Variants in PHACTR1 observed in about 807,000 individuals in gnomAD.
PHACTR1 encodes the protein phosphatase and actin regulator 1, also known as RPEL repeat containing 1.
A neutral mutation model predicts 69.2 loss-of-function variants in PHACTR1; 16 were observed. The ratio of observed to expected loss-of-function variants is 0.23; its 90% CI spans 0.16 to 0.35. The LOEUF (loss-of-function observed/expected upper bound fraction) is 0.35. Among genes scored for constraint, PHACTR1 ranks in the 10% least tolerant of loss-of-function variants. PHACTR1 has a pLI of 1.00. For missense variants in PHACTR1, 510 were observed against 734.7 expected, an observed-to-expected ratio of 0.69 and a Z score of 3.54; for synonymous variants, 312 against 284.5, an observed-to-expected ratio of 1.10 and a Z score of -0.97.
At chr6:12,817,643 G>A (rs1429506267) in intron 4 of PHACTR1, among the ~76,000 whole-genome samples, 2 of 152,166 alleles carry the variant, frequency 1.3e-5, no homozygotes, top group Admixed American at 6.5e-5. Flanking sequence ...TACTGATACA[G>A]CCTCCTGAAG....
At chr6:13,194,425 AGG>A (rs1184123405) in intron 7 of PHACTR1, among the ~76,000 whole-genome samples, 11,368 of 147,518 alleles carry the variant, frequency 0.077, 1,275 homozygotes, top group East Asian at 0.57. Flanking sequence ...AAAGAAAGAA[AGG>A]AAAAAGAAAA....
At chr6:12,971,135 T>C (rs1473217449) in intron 4 of PHACTR1, among the ~76,000 whole-genome samples, 1 of 152,196 alleles carries the variant, frequency 6.6e-6, no homozygotes, top group East Asian at 1.9e-4. Context: ...TTTGAGTTAA[T>C]GTAACCCACT....
chr6:12,915,316 G>A (rs1485317535), intron 4 of PHACTR1, among the ~76,000 whole-genome samples: 1 of 152,074 alleles, frequency 6.6e-6, no homozygotes, highest in African/African-American at 2.4e-5. Flanking sequence ...AGATTAGCCT[G>A]GGCAACATGG....
chr6:13,184,230 G>A (rs1240154520), intron 7 of PHACTR1, among the ~76,000 whole-genome samples: 1 of 152,186 alleles, frequency 6.6e-6, no homozygotes, highest in Non-Finnish European at 1.5e-5. Flanking sequence ...TGAGGTGTCA[G>A]CGTTCCAGGC....
At chr6:13,077,632 G>T (rs528504344) in intron 5 of PHACTR1, among the ~76,000 whole-genome samples, 1 of 152,162 alleles carries the variant, frequency 6.6e-6, no homozygotes, top group African/African-American at 2.4e-5. Context: ...AGGCTTTTGA[G>T]CAAGGAGGTG....
chr6:12,863,134 T>G (rs1357406743), intron 4 of PHACTR1, among the ~76,000 whole-genome samples: 2 of 152,224 alleles, frequency 1.3e-5, no homozygotes, highest in African/African-American at 4.8e-5. Context: ...TGTAGAGAAG[T>G]TATGAAGTTG....
chr6:13,120,134 A>C (rs1937769), intron 5 of PHACTR1, among the ~76,000 whole-genome samples: 140,089 of 152,164 alleles, frequency 0.92, 65,387 homozygotes, highest in Non-Finnish European at 0.99. Flanking sequence ...GAGTTTACAA[A>C]TATTTTATTC....
chr6:12,756,697 T>C (rs1767365656), intron 4 of PHACTR1, among the ~76,000 whole-genome samples: 1 of 152,238 alleles, frequency 6.6e-6, no homozygotes, highest in Admixed American at 6.5e-5. Context: ...TGATAGCAAA[T>C]ACTTGGGCTG....
chr6:12,752,851 A>T (rs1766795165), intron 4 of PHACTR1, among the ~76,000 whole-genome samples: 1 of 152,240 alleles, frequency 6.6e-6, no homozygotes, highest in African/African-American at 2.4e-5. Flanking sequence ...ATGTATGAAG[A>T]TGCTAATTTC....
At chr6:13,020,811 G>A (rs1457876382) in intron 4 of PHACTR1, among the ~76,000 whole-genome samples, 2 of 152,084 alleles carry the variant, frequency 1.3e-5, no homozygotes, top group African/African-American at 4.8e-5. Flanking sequence ...GGATCTAGTC[G>A]ATGAATGTGT....
At chr6:13,214,229 A>AG (rs1554162528) in intron 8 of PHACTR1, 2 of 151,406 alleles carry the variant, frequency 1.3e-5, no homozygotes, top group Non-Finnish European at 3.0e-5. Flanking sequence ...GAAAAAAAAA[A>AG]AAGCAAGAAA....
rs147900746 is a variant in PHACTR1, at chr6:12,908,733, G to A, written c.251-144632G>A. Among the ~76,000 whole-genome samples, 892 of 152,276 alleles carry A rather than the reference G, an allele frequency of 5.9e-3. 10 individuals carry two copies. Among genetic ancestry groups the A allele is most frequent in the African/African-American group, 0.021 (852 of 41,550 alleles). On this transcript the variant is annotated intron_variant, in intron 4 of 14. Coordinates refer to ENST00000332995, the MANE Select transcript of PHACTR1 (RefSeq NM_030948.6). The stretch of plus-strand genomic sequence containing the variant: ...CACATGCAAAGGTTAAGAACAGTGT[G>A]CTCATGGAACTGCAGGTCAGCCGGG...
chr6:13,171,397 A>G (rs1209464457), intron 6 of PHACTR1, among the ~76,000 whole-genome samples: 1 of 152,204 alleles, frequency 6.6e-6, no homozygotes, highest in Non-Finnish European at 1.5e-5. Context: ...TATGGTGGAG[A>G]TCAGTGTAGC....
intron 3 of PHACTR1, among the ~76,000 whole-genome samples, chr6:12,741,327 A>AT (rs1328043103): frequency 1.3e-5 from 2 of 151,866 alleles, no homozygotes; most frequent in East Asian, 3.9e-4. Context: ...TTTATGAAAA[A>AT]TTTTTCTTTT....
At chr6:12,830,575 T>C (rs982052762) in intron 4 of PHACTR1, among the ~76,000 whole-genome samples, 5 of 148,102 alleles carry the variant, frequency 3.4e-5, no homozygotes, top group African/African-American at 1.3e-4. Context: ...AATACATATT[T>C]TTAATTTTCA....
intron 4 of PHACTR1, among the ~76,000 whole-genome samples, chr6:12,988,992 A>C (rs1316880768): frequency 6.6e-6 from 1 of 152,240 alleles, no homozygotes; most frequent in Non-Finnish European, 1.5e-5. Context: ...TCCTAGAACA[A>C]TGTGTGTCTC....
chr6:12,733,474 G>A (rs187631537), intron 3 of PHACTR1, among the ~76,000 whole-genome samples: 29 of 152,270 alleles, frequency 1.9e-4, no homozygotes, highest in Admixed American at 6.5e-4. Context: ...GTGAAGCCAG[G>A]ATTCAAACAT....
At chr6:13,017,565 T>G (rs1415267177) in intron 4 of PHACTR1, among the ~76,000 whole-genome samples, 2 of 152,168 alleles carry the variant, frequency 1.3e-5, no homozygotes, top group Admixed American at 1.3e-4. Context: ...AAGTCATCGC[T>G]GAACTTATAT....
At chr6:13,024,488 A>T (rs1801413754) in intron 4 of PHACTR1, among the ~76,000 whole-genome samples, 1 of 152,200 alleles carries the variant, frequency 6.6e-6, no homozygotes, top group Non-Finnish European at 1.5e-5. Context: ...TACATTTTCA[A>T]GAATCACGTC....
Sources: allele counts gnomAD v4.1 joint callset (sites outside exome capture counted in the v4.1 genomes callset), GRCh38; gene constraint gnomAD v4.1.1; transcripts MANE v1.5; gene names NCBI Gene and HGNC (gene_info 2026-07-23, HGNC 2026-07-21).